The following DNTTIP2 variants were observed in gnomAD, a reference collection of about 807,000 sequenced individuals.
DNTTIP2 encodes the protein deoxynucleotidyltransferase terminal interacting protein 2.
In DNTTIP2, 47 loss-of-function variants were observed where a neutral mutation model predicts 62.4. The observed-to-expected ratio is 0.75, with a 90% confidence interval of 0.60 to 0.96. The LOEUF is 0.96. DNTTIP2 is among the 40% of genes least tolerant of loss of function. The pLI, the probability that DNTTIP2 is intolerant of heterozygous loss-of-function variation, is 0.00. For missense variants in DNTTIP2, 870 were observed against 849.1 expected (o/e 1.02, Z -0.31); for synonymous variants, 322 against 300.9 (o/e 1.07, Z -0.73).
rs1655836796 is a variant in DNTTIP2, at chr1:93,870,783, T to C, written c.2077A>G (p.Ile693Val). The C allele has an allele frequency of 2.6e-6, 4 of 1,550,850 alleles. No individual in the cohort carries two copies. Among genetic ancestry groups the C allele is most frequent in the Non-Finnish European group, 2.6e-6 (3 of 1,143,356 alleles). Reference sequence around the variant, plus strand: ...TAGAAATCAGCTGGATTGTCAACAATGGTTCCAATCTGTGAACAATTGATT... The same window carrying C: ...TAGAAATCAGCTGGATTGTCAACAACGGTTCCAATCTGTGAACAATTGATT... The part of the protein sequence containing the change: ...GFPKYFQIGT[I>V]VDNPADFYHS... The change falls in exon 6 of 7, where the codon ATT (isoleucine) becomes GTT (valine). Residue 693 changes from isoleucine to valine, a missense_variant. Coordinates refer to ENST00000436063, the MANE Select transcript of DNTTIP2 (RefSeq NM_014597.5).
intron 5 of DNTTIP2, among the ~76,000 whole-genome samples, chr1:93,871,768 C>T (rs1256340731): frequency 2.6e-5 from 4 of 152,182 alleles, no homozygotes; most frequent in African/African-American, 7.2e-5. Context: ...ACCCCTATCC[C>T]GTATGGACTC....
Position 93,873,235 on chromosome 1 carries a change from T to A in DNTTIP2, c.1807-21A>T, listed in dbSNP as rs1406494826. On this transcript the variant is annotated intron_variant, in intron 3 of 6. Coordinates refer to ENST00000436063, the MANE Select transcript of DNTTIP2 (RefSeq NM_014597.5). ...AGAAGCTATAAAAACATAAAATTGG[T>A]TTTAAAATAATGTCAGAATGTTATA... 1.9e-6 allele frequency: 3 copies of A among 1,562,980 alleles called. No individual in the cohort carries two copies. In the Admixed American group the frequency reaches 5.2e-5, roughly 27 times the overall value.
chr1:93,877,121 T>C lies in DNTTIP2; in HGVS notation c.814A>G (p.Arg272Gly). 1.2e-6 allele frequency: 2 copies of C among 1,611,826 alleles called. No homozygotes were observed. Among genetic ancestry groups the C allele is most frequent in the African/African-American group, 1.3e-5 (1 of 75,014 alleles). Residue 272 changes from arginine to glycine, a missense_variant, in exon 2 of 7, where the codon AGA (arginine) becomes GGA (glycine). Physicochemically the swap from Arg to Gly is moderately radical, Grantham distance 125. Transcript: ENST00000436063. ...NNDFDDDFSH[R>G]SSENILTVHE... ...ACTGTTAATATATTTTCTGAACTTC[T>C]GTGGGAGAAATCATCATCAAAGTCA...
At chr1:93,870,370 T>C (rs924156663) in intron 6 of DNTTIP2, among the ~76,000 whole-genome samples, 3 of 152,126 alleles carry the variant, frequency 2.0e-5, no homozygotes, top group Non-Finnish European at 4.4e-5. Context: ...AGGGATTCAT[T>C]AGGTAAAAAC....
chr1:93,877,604 G>A lies in DNTTIP2; in HGVS notation c.331C>T (p.Gln111Ter), dbSNP rs757262897. Residue 111 changes from glutamine (Q) to a stop codon, truncating the protein, a stop_gained, in exon 2 of 7, where the codon CAG (glutamine) becomes TAG (stop). Transcript: ENST00000436063. LOFTEE classifies it high-confidence loss of function. ...DTILRVTRRR[Q>*]ILIACSPVSS... ...ACTGGGGAGCATGCAATTAAGATCTGCCTTCTCCTAGTTACCCTTAAAATG... is the reference window on the plus strand; with the variant it reads ...ACTGGGGAGCATGCAATTAAGATCTACCTTCTCCTAGTTACCCTTAAAATG... 1 of 1,613,966 alleles carries A rather than the reference G, an allele frequency of 6.2e-7. No homozygotes were observed. The highest frequency in any genetic ancestry group is 2.2e-5 in the East Asian group (1 of 44,884).
At position 93,876,312 on chromosome 1, in the gene DNTTIP2, C is replaced by T. The variant is rs747124795; in HGVS notation, c.1623G>A (p.Glu541=). 3.5e-5 allele frequency: 54 copies of T among 1,550,924 alleles called. No homozygotes were observed. The South Asian group carries it at 6.3e-4, about 18-fold the overall frequency. The change falls in exon 2 of 7, where the codon GAG becomes GAA. Residue 541 remains glutamate, a synonymous_variant. Transcript: ENST00000436063. ...DSSDHDENED[E]FSDEEDFLNS... ...TTAGGAAGTCTTCTTCATCACTAAA[C>T]TCATCTTCATTTTCGTCATGGTCTG...
chr1:93,866,737 T>C lies in DNTTIP2; in HGVS notation c.*3114A>G, dbSNP rs943162593. 6.6e-6 allele frequency: 1 copy of C among 152,150 alleles called. No individual in the cohort carries two copies. The highest frequency in any genetic ancestry group is 2.4e-5 in the African/African-American group (1 of 41,418). 9.4% of individuals were successfully genotyped at this position (152,150 alleles called of 1,614,324 possible). Reference sequence around the variant, plus strand: ...GAATATTGGTGTTTCTCTAGAGCAGTTGGTTTATCATACAGCAGAACACTG... The same window carrying C: ...GAATATTGGTGTTTCTCTAGAGCAGCTGGTTTATCATACAGCAGAACACTG... On this transcript the variant is annotated 3_prime_UTR_variant, in exon 7 of 7. Transcript: ENST00000436063.
At chr1:93,871,730 C>T (rs2100883436) in intron 5 of DNTTIP2, among the ~76,000 whole-genome samples, 1 of 152,302 alleles carries the variant, frequency 6.6e-6, no homozygotes, top group Middle Eastern at 3.4e-3. Flanking sequence ...TAAAAACCAA[C>T]TTGGATTAGT....
chr1:93,875,581 C>T (rs2273166), intron 3 of DNTTIP2, 64 bp downstream of exon 3: 632,712 of 1,520,666 alleles, frequency 0.42, 134,453 homozygotes, highest in East Asian at 0.61. Flanking sequence ...AGTCTTTTAC[C>T]AAGGACTAAT....
chr1:93,869,724 T>C lies in DNTTIP2; in HGVS notation c.*127A>G, dbSNP rs1655809375. On this transcript the variant is annotated 3_prime_UTR_variant, in exon 7 of 7. Transcript: ENST00000436063. ...GATTCTCAAATCAACTTTTTCCAAA[T>C]ACAAATTCCTGTATGAACAGGGCCA... 1.0e-5 allele frequency: 6 copies of C among 601,030 alleles called. No individual in the cohort carries two copies. The South Asian group carries it at 1.3e-4, about 13-fold the overall frequency. 37.2% of individuals were successfully genotyped at this position (601,030 alleles called of 1,614,324 possible). A position where few individuals can be genotyped will look rare whatever the true frequency, so the allele number is the denominator to read the frequency against.
Position 93,874,879 on chromosome 1 carries a change from C to T in DNTTIP2, c.1806+766G>A, listed in dbSNP as rs79093716. On this transcript the variant is annotated intron_variant, in intron 3 of 6. Coordinates refer to ENST00000436063, the MANE Select transcript of DNTTIP2 (RefSeq NM_014597.5). ...GAAAACAAGATCAATAAGGAAGCCA[C>T]TGGAGTAGTCCAGATGAGAAGCAAA... Among the ~76,000 whole-genome samples the T allele has an allele frequency of 8.9e-3, 1,350 of 152,290 alleles. 18 individuals carry two copies. The highest frequency in any genetic ancestry group is 0.031 in the African/African-American group (1,308 of 41,534).
In DNTTIP2 at chr1:93,875,687, G is replaced by T. The variant is rs1324155000; in HGVS notation, c.1764C>A (p.Asn588Lys). 1 of 1,612,992 alleles carries T rather than the reference G, an allele frequency of 6.2e-7. No individual in the cohort carries two copies. Among genetic ancestry groups the T allele is most frequent in the African/African-American group, 1.3e-5 (1 of 74,864 alleles). The change falls in exon 3 of 7, where the codon AAC (asparagine) becomes AAA (lysine). Residue 588 changes from asparagine to lysine, a missense_variant. Asn to Lys is a moderately conservative substitution (Grantham distance 94). Coordinates refer to ENST00000436063, the MANE Select transcript of DNTTIP2 (RefSeq NM_014597.5). ...CCTTGATCTGTGTTAGGGTTCTCTT[G>T]TTAGACTGTAGTTTATCTGCATTAA... ...INFNADKLQS[N>K]KRTLTQIKEK...
intron 3 of DNTTIP2, among the ~76,000 whole-genome samples, chr1:93,875,277 G>A (rs140401062): frequency 6.6e-6 from 1 of 152,190 alleles, no homozygotes; most frequent in African/African-American, 2.4e-5. Context: ...ATATGCACAT[G>A]TGCATTTTTT....
At chr1:93,872,745 A>G (rs929016695) in intron 4 of DNTTIP2, among the ~76,000 whole-genome samples, 1 of 152,174 alleles carries the variant, frequency 6.6e-6, no homozygotes, top group Non-Finnish European at 1.5e-5. Context: ...CATTCATACA[A>G]CAAGTATTTA....
At chr1:93,876,172 T>G in intron 2 of DNTTIP2, 96 bp downstream of exon 2, 1 of 922,638 alleles carries the variant, frequency 1.1e-6, no homozygotes. Context: ...GGCAGTGATT[T>G]TCTCATTCCC....
chr1:93,873,376 G>A (rs1157624030), intron 3 of DNTTIP2, 162 bp from the exon 4 acceptor site: 2 of 488,392 alleles, frequency 4.1e-6, no homozygotes, highest in African/African-American at 4.1e-5. Context: ...AGGATCACTT[G>A]AGGCCAGGAG....
chr1:93,879,165 C>G lies in DNTTIP2; in HGVS notation c.-17G>C, dbSNP rs762456217. The G allele has an allele frequency of 6.2e-7, 1 of 1,610,346 alleles. No homozygotes were observed. Among genetic ancestry groups the G allele is most frequent in the Non-Finnish European group, 8.5e-7 (1 of 1,179,012 alleles). On this transcript the variant is annotated 5_prime_UTR_variant, in exon 1 of 7. Coordinates refer to ENST00000436063, the MANE Select transcript of DNTTIP2 (RefSeq NM_014597.5). The stretch of plus-strand genomic sequence containing the variant: ...AACCACCATCTTTCCGGCTCCCTCG[C>G]GACCACCACGACTTCCCTCTTCCCT...
chr1:93,877,018 A>G lies in DNTTIP2; in HGVS notation c.917T>C (p.Ile306Thr), dbSNP rs377154605. ...CKDLDEDANG[I>T]TDEGKEINEK... ...ATTAATTTCTTTCCCCTCATCTGTT[A>G]TTCCATTGGCATCTTCATCCAAATC... Residue 306 changes from isoleucine (I) to threonine (T), a missense_variant, in exon 2 of 7, where the codon ATA (isoleucine) becomes ACA (threonine). Transcript: ENST00000436063. 1.8e-5 allele frequency: 29 copies of G among 1,612,686 alleles called. 2 individuals carry two copies. In the African/African-American group the frequency reaches 3.2e-4, roughly 18 times the overall value.
In DNTTIP2 at chr1:93,877,457, T is replaced by G; in HGVS notation, c.478A>C (p.Thr160Pro). The G allele has an allele frequency of 6.2e-7, 1 of 1,613,858 alleles. No homozygotes were observed. Among genetic ancestry groups the G allele is most frequent in the Admixed American group, 1.7e-5 (1 of 60,016 alleles). ...ISRIVLPTEKTTGARRSKAKS... is the reference protein window; with the variant it reads ...ISRIVLPTEKPTGARRSKAKS... ...GCCTTACTTCTTCTGGCTCCTGTAG[T>G]TTTTTCTGTAGGAAGCACAATTCTA... Residue 160 changes from threonine (T) to proline (P), a missense_variant, in exon 2 of 7, where the codon ACT (threonine) becomes CCT (proline). Thr to Pro is a conservative substitution (Grantham distance 38, BLOSUM62 -1). Transcript: ENST00000436063.
Sources: allele counts gnomAD v4.1 joint callset (sites outside exome capture counted in the v4.1 genomes callset), GRCh38; gene constraint gnomAD v4.1.1; transcripts MANE v1.5; gene names NCBI Gene and HGNC (gene_info 2026-07-23, HGNC 2026-07-21).